The following CRY1 variants were observed in gnomAD, a reference collection of about 807,000 sequenced individuals.
CRY1 encodes the protein cryptochrome-1.
A neutral mutation model predicts 76.0 loss-of-function variants in CRY1; 45 were observed. The ratio of observed to expected loss-of-function variants is 0.59; its 90% CI spans 0.47 to 0.76. The LOEUF is 0.76. Ranked by LOEUF, CRY1 falls within the 30% of genes least tolerant of loss-of-function variation. CRY1 has a pLI of 0.00. For missense variants in CRY1, 587 were observed against 716.4 expected (o/e 0.82, Z 2.06); for synonymous variants, 248 against 244.0 (o/e 1.02, Z -0.15).
At chr12:107,080,608 G>A (rs1953310054) in intron 1 of CRY1, among the ~76,000 whole-genome samples, 1 of 151,786 alleles carries the variant, frequency 6.6e-6, no homozygotes, top group Non-Finnish European at 1.5e-5. Context: ...ATAAAGCCAA[G>A]GGAAGAAGAG....
At chr12:107,069,370 G>A (rs1227588144) in intron 1 of CRY1, among the ~76,000 whole-genome samples, 10 of 150,908 alleles carry the variant, frequency 6.6e-5, no homozygotes, top group Admixed American at 1.3e-4. Flanking sequence ...GACTACAGGC[G>A]CCCGCCACCA....
rs1285701678 is a variant in CRY1 at position 107,027,795 on chromosome 12, C to T, written c.159-5603G>A. ...GTTTAGTATACTCCGTCACAATGAC[C>T]TACTTACCAGTCTGTGCTAGAACAG... On this transcript the variant is annotated intron_variant, in intron 1 of 12. Transcript: ENST00000008527. Among the ~76,000 whole-genome samples, 3 of 152,206 alleles carry T rather than the reference C, an allele frequency of 2.0e-5. No homozygotes were observed. In the East Asian group the frequency reaches 5.8e-4, roughly 29 times the overall value.
intron 1 of CRY1, among the ~76,000 whole-genome samples, chr12:107,029,096 G>A (rs1368813307): frequency 6.6e-6 from 1 of 152,058 alleles, no homozygotes; most frequent in Non-Finnish European, 1.5e-5. Flanking sequence ...TAGAGACAGG[G>A]TCTCGTTATG....
At chr12:107,004,799 C>T (rs1489375870) in intron 3 of CRY1, among the ~76,000 whole-genome samples, 1 of 152,110 alleles carries the variant, frequency 6.6e-6, no homozygotes, top group Non-Finnish European at 1.5e-5. Flanking sequence ...GGCAAGACCA[C>T]AGGAGGCTGA....
At chr12:106,995,103 C>T (rs988729541) in intron 10 of CRY1, among the ~76,000 whole-genome samples, 2 of 152,180 alleles carry the variant, frequency 1.3e-5, no homozygotes, top group African/African-American at 4.8e-5. Flanking sequence ...TGAATCTTAG[C>T]TCAACTACTT....
At chr12:107,035,644 C>T (rs1336883760) in intron 1 of CRY1, among the ~76,000 whole-genome samples, 3 of 152,162 alleles carry the variant, frequency 2.0e-5, no homozygotes, top group African/African-American at 7.2e-5. Context: ...GATTTCAAAC[C>T]CAGTCAGCTT....
intron 2 of CRY1, among the ~76,000 whole-genome samples, chr12:107,021,344 A>T (rs1310143760): frequency 6.6e-6 from 1 of 152,238 alleles, no homozygotes; most frequent in Non-Finnish European, 1.5e-5. Flanking sequence ...CCATTGTTAC[A>T]ATCCTTTGAC....
rs949014965 is a variant in CRY1 at position 106,999,756 on chromosome 12, C to T, written c.932G>A (p.Gly311Glu). The T allele has an allele frequency of 6.2e-7, 1 of 1,614,102 alleles. No homozygotes were observed. Among genetic ancestry groups the T allele is most frequent in the African/African-American group, 1.3e-5 (1 of 74,938 alleles). The part of the protein sequence containing the change: ...TNNPRFDKME[G>E]NPICVQIPWD... ...AGGAATCTGAACACAGATAGGGTTTCCTTCCATTTTATCAAAGCGTGGATT... is the reference window on the plus strand; with the variant it reads ...AGGAATCTGAACACAGATAGGGTTTTCTTCCATTTTATCAAAGCGTGGATT... The change falls in exon 7 of 13, where the codon GGA (glycine) becomes GAA (glutamate). Residue 311 changes from glycine to glutamate, a missense_variant. Coordinates refer to ENST00000008527, the MANE Select transcript of CRY1 (RefSeq NM_004075.5).
rs376585116 is a variant in CRY1, at chr12:107,070,666, T to TTTTATTTA, written c.158+22130_158+22137dup. On this transcript the variant is annotated intron_variant, in intron 1 of 12. Coordinates refer to ENST00000008527, the MANE Select transcript of CRY1 (RefSeq NM_004075.5). ...TAGCCACATCGCTGGATTCTCTTAT[T>TTTTATTTA]TTTATTTATTTATTTATTTATTTAT... Among the ~76,000 whole-genome samples, 654 of 139,686 alleles carry TTTTATTTA rather than the reference T, an allele frequency of 4.7e-3. 7 individuals carry two copies. Among genetic ancestry groups the TTTTATTTA allele is most frequent in the East Asian group, 7.4e-3 (35 of 4,734 alleles). The allele number at this position is 139,686 out of a possible 152,430, so 91.6% of individuals were successfully genotyped here.
chr12:107,026,067 T>C lies in CRY1; in HGVS notation c.159-3875A>G, dbSNP rs1392920029. Among the ~76,000 whole-genome samples the C allele has an allele frequency of 2.2e-5, 3 of 139,064 alleles. No homozygotes were observed. In the Admixed American group the frequency reaches 2.2e-4, roughly 10 times the overall value. The allele number at this position is 139,064 out of a possible 152,430, so 91.2% of individuals were successfully genotyped here. Reference sequence around the variant, plus strand: ...TTATGTCCTTCAGAGGATGAAAAAATTTTACCTCATATTATACATATTATA... The same window carrying C: ...TTATGTCCTTCAGAGGATGAAAAAACTTTACCTCATATTATACATATTATA... On this transcript the variant is annotated intron_variant, in intron 1 of 12. Transcript: ENST00000008527.
rs1448143074 is a variant in CRY1 at position 107,001,747 on chromosome 12, C to CTG, written c.595+16_595+17insCA. ...TATTAACTTGCAAGCCTCACACTGA[C>CTG]TACAGTTTACACTCACCTAGCTCTT... On this transcript the variant is annotated intron_variant, in intron 4 of 12. Transcript: ENST00000008527. 6.6e-7 allele frequency: 1 copy of CTG among 1,521,034 alleles called. No homozygotes were observed. The highest frequency in any genetic ancestry group is 8.7e-7 in the Non-Finnish European group (1 of 1,144,488). The allele number at this position is 1,521,034 out of a possible 1,614,324, so 94.2% of individuals were successfully genotyped here. A position where few individuals can be genotyped will look rare whatever the true frequency, so the allele number is the denominator to read the frequency against.
chr12:107,004,188 C>T (rs1375681450), intron 3 of CRY1, among the ~76,000 whole-genome samples: 1 of 151,976 alleles, frequency 6.6e-6, no homozygotes, highest in African/African-American at 2.4e-5. Flanking sequence ...GCTATGAGCT[C>T]CTTAAAGTTA....
chr12:106,994,646 T>C (rs905301199), intron 10 of CRY1, among the ~76,000 whole-genome samples: 1 of 152,234 alleles, frequency 6.6e-6, no homozygotes, highest in Non-Finnish European at 1.5e-5. Context: ...TTGTCCCAAT[T>C]TAACCTGCTA....
intron 1 of CRY1, among the ~76,000 whole-genome samples, chr12:107,083,411 A>G (rs1320776394): frequency 6.6e-6 from 1 of 152,182 alleles, no homozygotes; most frequent in Non-Finnish European, 1.5e-5. Context: ...TCAGGTCAAT[A>G]TCCCCAATGA....
At chr12:107,012,430 G>T (rs915972400) in intron 2 of CRY1, among the ~76,000 whole-genome samples, 4 of 152,146 alleles carry the variant, frequency 2.6e-5, no homozygotes, top group Non-Finnish European at 5.9e-5. Flanking sequence ...CATATTTTAA[G>T]CTCTCTGTTG....
intron 2 of CRY1, 28 bp downstream of exon 2, chr12:107,022,056 T>C (rs371535537): frequency 1.2e-5 from 18 of 1,471,614 alleles, no homozygotes; most frequent in Admixed American, 1.7e-5. Flanking sequence ...GAGAAAAGAT[T>C]GTTTTATGCA....
At chr12:107,040,735 T>C (rs975005490) in intron 1 of CRY1, among the ~76,000 whole-genome samples, 7 of 152,072 alleles carry the variant, frequency 4.6e-5, no homozygotes, top group Admixed American at 3.3e-4. Flanking sequence ...GAAGAGTAGA[T>C]AGGAACAATC....
chr12:106,993,405 A>G (rs542350517), intron 10 of CRY1, among the ~76,000 whole-genome samples: 1 of 151,728 alleles, frequency 6.6e-6, no homozygotes, highest in Admixed American at 6.6e-5. Flanking sequence ...TCCTCCAAAC[A>G]TATTTCCTTG....
chr12:107,035,385 A>G (rs1447346896), intron 1 of CRY1, among the ~76,000 whole-genome samples: 1 of 152,204 alleles, frequency 6.6e-6, no homozygotes, highest in Non-Finnish European at 1.5e-5. Flanking sequence ...CTGGTAATAA[A>G]GCAGAGAACA....
Sources: allele counts gnomAD v4.1 joint callset (sites outside exome capture counted in the v4.1 genomes callset), GRCh38; gene constraint gnomAD v4.1.1; transcripts MANE v1.5; gene names NCBI Gene and HGNC (gene_info 2026-07-23, HGNC 2026-07-21).